The following TYW1B variants were observed in gnomAD, a reference collection of about 807,000 sequenced individuals.
TYW1B encodes the protein S-adenosyl-L-methionine-dependent tRNA 4-demethylwyosine synthase TYW1B.
A neutral mutation model predicts 86.9 loss-of-function variants in TYW1B; 73 were observed. The observed-to-expected ratio is 0.84, with a 90% CI of 0.70 to 1.02. The LOEUF (loss-of-function observed/expected upper bound fraction) is 1.02, where lower values mean the gene tolerates loss of function less well. Ranked by LOEUF, TYW1B falls within the 50% of genes least tolerant of loss-of-function variation. The pLI, the probability that TYW1B is intolerant of heterozygous loss-of-function variation, is 0.00. For synonymous variants in TYW1B, 248 were observed against 292.8 expected (o/e 0.85, Z 1.56); for missense variants, 637 against 827.4 (o/e 0.77, Z 2.82).
At chr7:72,698,645 C>CCA (rs1814383175) in intron 10 of TYW1B, among the ~76,000 whole-genome samples, 1 of 129,884 alleles carries the variant, frequency 7.7e-6, no homozygotes, top group African/African-American at 2.9e-5. Context: ...GACTCCATCT[C>CCA]AAAAAAAAAA....
At chr7:72,661,425 G>A (rs573644494) in intron 11 of TYW1B, among the ~76,000 whole-genome samples, 24 of 151,220 alleles carry the variant, frequency 1.6e-4, no homozygotes, top group African/African-American at 5.6e-4. Context: ...AAAAAGACAA[G>A]GCCTGTATTT....
intron 6 of TYW1B, among the ~76,000 whole-genome samples, chr7:72,784,511 T>C (rs1490155187): frequency 6.6e-6 from 1 of 152,228 alleles, no homozygotes; most frequent in East Asian, 1.9e-4. Flanking sequence ...CCTTTATTCT[T>C]TGAGACAGGG....
chr7:72,767,985 C>G (rs1787800483), intron 7 of TYW1B, among the ~76,000 whole-genome samples: 1 of 152,178 alleles, frequency 6.6e-6, no homozygotes, highest in South Asian at 2.1e-4. Flanking sequence ...CACAGTGGCT[C>G]ATGCCTATAA....
At chr7:72,816,393 T>G (rs186395317) in intron 2 of TYW1B, among the ~76,000 whole-genome samples, 240 of 151,038 alleles carry the variant, frequency 1.6e-3, no homozygotes, top group Non-Finnish European at 2.3e-3. Context: ...ATAAATAAAA[T>G]AAAAGAAAGA....
At chr7:72,690,477 G>C (rs1181264319) in intron 11 of TYW1B, among the ~76,000 whole-genome samples, 2 of 152,202 alleles carry the variant, frequency 1.3e-5, no homozygotes, top group African/African-American at 2.4e-5. Flanking sequence ...ATCTGGAAAT[G>C]TAAACACTGT....
intron 11 of TYW1B, among the ~76,000 whole-genome samples, chr7:72,694,281 T>A (rs1390712397): frequency 3.3e-5 from 5 of 152,186 alleles, no homozygotes; most frequent in African/African-American, 4.8e-5. Context: ...CCATTTTATA[T>A]AAACTTGAGC....
In TYW1B at chr7:72,828,107, C is replaced by T. The variant is rs782174507; in HGVS notation, c.-32G>A. Reference sequence around the variant, plus strand: ...CAGAGCCGACAGGAGACTAGGATCTCGGACCTGGAGAGCCCAAAGGTTCGC... The same window carrying T: ...CAGAGCCGACAGGAGACTAGGATCTTGGACCTGGAGAGCCCAAAGGTTCGC... On this transcript the variant is annotated 5_prime_UTR_variant, in exon 1 of 14. Transcript: ENST00000620995. 57 of 1,613,418 alleles carry T rather than the reference C, an allele frequency of 3.5e-5. No homozygotes were observed. The South Asian group carries it at 4.0e-4, about 11-fold the overall frequency.
At chr7:72,748,389 C>G (rs1469544777) in intron 7 of TYW1B, among the ~76,000 whole-genome samples, 60 of 152,060 alleles carry the variant, frequency 3.9e-4, no homozygotes, top group African/African-American at 1.4e-3. Flanking sequence ...ACATAACAAT[C>G]ATGTCACCTG....
intron 10 of TYW1B, among the ~76,000 whole-genome samples, chr7:72,697,075 G>T: frequency 6.8e-6 from 1 of 146,040 alleles, no homozygotes. Flanking sequence ...CTGTCTTAAT[G>T]GTTACTGCTG....
At position 72,684,886 on chromosome 7, in the gene TYW1B, G is replaced by A. The variant is rs528288542; in HGVS notation, c.1506+9801C>T. ...AGCACTTTGGGAGGCCGAGGAAGGC[G>A]GATCACTTGAGGTCAGGAGTTCAAT... On this transcript the variant is annotated intron_variant, in intron 11 of 13. Coordinates refer to ENST00000620995, the MANE Select transcript of TYW1B (RefSeq NM_001145440.3). Among the ~76,000 whole-genome samples, 24 of 152,020 alleles carry A rather than the reference G, an allele frequency of 1.6e-4. 1 individual carries two copies. The highest frequency in any genetic ancestry group is 3.9e-4 in the Admixed American group (6 of 15,244).
At chr7:72,756,029 AG>A (rs1787581515) in intron 7 of TYW1B, among the ~76,000 whole-genome samples, 1 of 152,096 alleles carries the variant, frequency 6.6e-6, no homozygotes, top group African/African-American at 2.4e-5. Flanking sequence ...GCACAGGGAG[AG>A]ACAGGGCTCA....
At position 72,734,746 on chromosome 7, in the gene TYW1B, A is replaced by G. The variant is rs552586370; in HGVS notation, c.1083-5815T>C. On this transcript the variant is annotated intron_variant, in intron 8 of 13. Transcript: ENST00000620995. ...AATATCCAGAATATACAAAAAATTC[A>G]AACAACCCAACAGCAAAAAAACCCA... is the stretch of plus-strand genomic sequence containing the variant. 5.3e-5 allele frequency among the ~76,000 whole-genome samples: 8 copies of G among 152,364 alleles called. No individual in the cohort carries two copies. In the East Asian group the frequency reaches 1.5e-3, roughly 29 times the overall value.
At chr7:72,629,065 C>G in intron 11 of TYW1B, 68 bp from the exon 12 acceptor site, 1 of 1,483,182 alleles carries the variant, frequency 6.7e-7, no homozygotes, top group Non-Finnish European at 9.1e-7. Flanking sequence ...TAGAGGGTTT[C>G]TCAAGCTTTT....
chr7:72,684,729 C>A (rs1301953418), intron 11 of TYW1B, among the ~76,000 whole-genome samples: 1 of 142,464 alleles, frequency 7.0e-6, no homozygotes, highest in Non-Finnish European at 1.5e-5. Flanking sequence ...AAGATAGCAA[C>A]AATATATTGA....
intron 12 of TYW1B, among the ~76,000 whole-genome samples, chr7:72,618,227 A>ATTTTTTTTTTTTTT (rs869158136): frequency 7.7e-5 from 8 of 103,936 alleles, no homozygotes; most frequent in Non-Finnish European, 1.3e-4. Flanking sequence ...ATGACACTGA[A>ATTTTTTTTTTTTTT]TTTTTTTTTT....
At chr7:72,667,586 G>T (rs35413649) in intron 11 of TYW1B, among the ~76,000 whole-genome samples, 286 of 152,142 alleles carry the variant, frequency 1.9e-3, no homozygotes, top group Non-Finnish European at 2.9e-3. Context: ...TGGTGACACA[G>T]GCCTGTAGTC....
intron 9 of TYW1B, among the ~76,000 whole-genome samples, chr7:72,726,251 T>C (rs1443964586): frequency 2.6e-5 from 4 of 152,118 alleles, no homozygotes; most frequent in African/African-American, 9.7e-5. Flanking sequence ...ATCATTAGCA[T>C]CTTTGTAAAT....
At chr7:72,684,513 C>A (rs1248387490) in intron 11 of TYW1B, among the ~76,000 whole-genome samples, 1 of 151,960 alleles carries the variant, frequency 6.6e-6, no homozygotes, top group African/African-American at 2.4e-5. Context: ...CTTTTTCAGA[C>A]AACCGGAAAC....
At chr7:72,731,012 C>T (rs1787096449) in intron 8 of TYW1B, among the ~76,000 whole-genome samples, 4 of 144,232 alleles carry the variant, frequency 2.8e-5, no homozygotes, top group African/African-American at 7.7e-5. Context: ...CTAAAAACAG[C>T]AATTGAAAAG....
Sources: allele counts gnomAD v4.1 joint callset (sites outside exome capture counted in the v4.1 genomes callset), GRCh38; gene constraint gnomAD v4.1.1; transcripts MANE v1.5; gene names NCBI Gene and HGNC (gene_info 2026-07-23, HGNC 2026-07-21).